The following ZNF460 variants were observed in gnomAD, a reference collection of about 807,000 sequenced individuals.
ZNF460 encodes the protein zinc finger protein 460.
A neutral mutation model predicts 8.4 loss-of-function variants in ZNF460; 1 was observed. The observed-to-expected ratio is 0.12, with a 90% CI of 0.04 to 0.56. ZNF460 has a LOEUF of 0.56. Ranked by LOEUF, ZNF460 falls within the 20% of genes least tolerant of loss-of-function variation. ZNF460 has a pLI of 0.91. For missense variants in ZNF460, 477 were observed against 714.8 expected (o/e 0.67, Z 3.79); for synonymous variants, 262 against 259.9 (o/e 1.01, Z -0.08).
At chr19:57,286,470 A>G (rs2087880091) in intron 2 of ZNF460, among the ~76,000 whole-genome samples, 2 of 152,124 alleles carry the variant, frequency 1.3e-5, no homozygotes, top group Admixed American at 1.3e-4. Context: ...TCTCTGAGAT[A>G]CAACAATAAT....
In ZNF460 at chr19:57,283,201, A is replaced by G. The variant is rs191107520; in HGVS notation, c.31-1350A>G. Among the ~76,000 whole-genome samples the G allele has an allele frequency of 2.8e-3, 420 of 149,486 alleles. 2 individuals carry two copies. Among genetic ancestry groups the G allele is most frequent in the Non-Finnish European group, 4.4e-3 (294 of 67,508 alleles). Reference sequence around the variant, plus strand: ...TTCTTTCTTTGTTTTGATGGAGTCTAGCTCTGTTGCCAGGCTGGAGTTCAG... The same window carrying G: ...TTCTTTCTTTGTTTTGATGGAGTCTGGCTCTGTTGCCAGGCTGGAGTTCAG... On this transcript the variant is annotated intron_variant, in intron 1 of 2. Transcript: ENST00000360338.
rs367812892 is a variant in ZNF460 at position 57,291,752 on chromosome 19, G to A, written c.1211G>A (p.Arg404Gln). 21 of 1,613,998 alleles carry A rather than the reference G, an allele frequency of 1.3e-5. No homozygotes were observed. Among genetic ancestry groups the A allele is most frequent in the Non-Finnish European group, 1.7e-5 (20 of 1,180,020 alleles). The part of the protein sequence containing the change: ...CKECGKAFSI[R>Q]KDLIRHFNIH... ...GAATGTGGGAAAGCCTTTAGCATTCGAAAAGACCTCATTCGACACTTCAAC... is the reference window on the plus strand; with the variant it reads ...GAATGTGGGAAAGCCTTTAGCATTCAAAAAGACCTCATTCGACACTTCAAC... The change falls in exon 3 of 3, where the codon CGA becomes CAA. Residue 404 changes from arginine to glutamine, a missense_variant. Arg to Gln is a conservative substitution (Grantham distance 43, BLOSUM62 1). Transcript: ENST00000360338. This position sits in a 1 kb window ranked among gnomAD's most constrained non-coding sequence, Gnocchi z 8.4.
intron 1 of ZNF460, among the ~76,000 whole-genome samples, chr19:57,283,061 G>A (rs914450621): frequency 3.3e-5 from 5 of 151,696 alleles, no homozygotes; most frequent in Non-Finnish European, 7.4e-5. Flanking sequence ...GTAGGACTGA[G>A]GCCCAGGTCT....
At chr19:57,283,262 G>T (rs1031385039) in intron 1 of ZNF460, among the ~76,000 whole-genome samples, 5 of 151,252 alleles carry the variant, frequency 3.3e-5, no homozygotes. Flanking sequence ...CATCGCCTCC[G>T]ACGTTCAAGC....
chr19:57,283,766 T>C (rs2087859356), intron 1 of ZNF460, among the ~76,000 whole-genome samples: 1 of 151,894 alleles, frequency 6.6e-6, no homozygotes. Flanking sequence ...CCTCCCAGAG[T>C]GCTGGGATTA....
chr19:57,290,776 C>G lies in ZNF460; in HGVS notation c.235C>G (p.Gln79Glu). 2 of 1,614,212 alleles carry G rather than the reference C, an allele frequency of 1.2e-6. No individual in the cohort carries two copies. Among genetic ancestry groups the G allele is most frequent in the African/African-American group, 2.7e-5 (2 of 75,058 alleles). ...GCCTGAGGAAGTCTCACTCCAGGAA[C>G]AGCTGGCACAGGGAGTCCCAAGATA... ...ALPEEVSLQE[Q>E]LAQGVPRYSY... Residue 79 changes from glutamine (Q) to glutamate (E), a missense_variant, in exon 3 of 3, where the codon CAG becomes GAG. Physicochemically the swap from Gln to Glu is conservative, Grantham distance 29. This residue lies in a region of ZNF460 where 169 missense variants were observed against 178.6 expected (regional missense o/e 0.95). Coordinates refer to ENST00000360338, the MANE Select transcript of ZNF460 (RefSeq NM_006635.4).
At chr19:57,288,158 C>T (rs907224862) in intron 2 of ZNF460, among the ~76,000 whole-genome samples, 7 of 152,048 alleles carry the variant, frequency 4.6e-5, no homozygotes, top group Non-Finnish European at 1.0e-4. Context: ...CACAATTTAC[C>T]GATCTCTTAT....
At chr19:57,282,988 A>G (rs995223331) in intron 1 of ZNF460, among the ~76,000 whole-genome samples, 9 of 140,444 alleles carry the variant, frequency 6.4e-5, no homozygotes, top group African/African-American at 2.1e-4. Flanking sequence ...GAGACCATCT[A>G]AAAAAAAAAA....
At position 57,290,823 on chromosome 19, in the gene ZNF460, G is replaced by T; in HGVS notation, c.282G>T (p.Met94Ile). The T allele has an allele frequency of 6.2e-7, 1 of 1,614,164 alleles. No individual in the cohort carries two copies. Among genetic ancestry groups the T allele is most frequent in the Non-Finnish European group, 8.5e-7 (1 of 1,180,034 alleles). The change falls in exon 3 of 3, where the codon ATG (methionine) becomes ATT (isoleucine). Residue 94 changes from methionine to isoleucine, a missense_variant. Met to Ile is a conservative substitution (Grantham distance 10). Coordinates refer to ENST00000360338, the MANE Select transcript of ZNF460 (RefSeq NM_006635.4). ...VPRYSYLGQAMDQDGPSEMQE... is the reference protein window; with the variant it reads ...VPRYSYLGQAIDQDGPSEMQE... ...GATACTCCTATTTGGGGCAGGCCAT[G>T]GATCAAGATGGGCCATCTGAAATGC... is the stretch of plus-strand genomic sequence containing the variant.
Position 57,291,634 on chromosome 19 carries a change from G to T in ZNF460, c.1093G>T (p.Val365Leu). The change falls in exon 3 of 3, where the codon GTG (valine) becomes TTG (leucine). Residue 365 changes from valine (V) to leucine (L), a missense_variant. Physicochemically the swap from Val to Leu is conservative, Grantham distance 32 (BLOSUM62 1). Transcript: ENST00000360338. This position sits in a 1 kb window ranked among gnomAD's most constrained non-coding sequence, Gnocchi z 8.4. ...GATTCACACTGGTGAGAAGCCCTTT[G>T]TGTGCAGTCAATGTGGAAAGGCCTT... Reference protein sequence around the residue: ...ERIHTGEKPFVCSQCGKAFTH... With the variant: ...ERIHTGEKPFLCSQCGKAFTH... 1.9e-6 allele frequency: 3 copies of T among 1,614,074 alleles called. No individual in the cohort carries two copies. The highest frequency in any genetic ancestry group is 2.5e-6 in the Non-Finnish European group (3 of 1,180,004).
rs773549812 is a variant in ZNF460, at chr19:57,291,282, T to C, written c.741T>C (p.Asn247=). Reference sequence around the variant, plus strand: ...TCACACGGCACCAGCGGACTCACAATGGAGATAAGCCCTTTGTGTGCAGTG... The same window carrying C: ...TCACACGGCACCAGCGGACTCACAACGGAGATAAGCCCTTTGTGTGCAGTG... ...SHLTRHQRTH[N]GDKPFVCSEC... The change falls in exon 3 of 3, where the codon AAT becomes AAC. Residue 247 remains asparagine, a synonymous_variant. Transcript: ENST00000360338. The surrounding 1 kb of genome is among the most constrained non-coding windows in gnomAD (Gnocchi z 8.4). The C allele has an allele frequency of 4.3e-6, 7 of 1,613,774 alleles. No homozygotes were observed. The South Asian group carries it at 5.5e-5, about 13-fold the overall frequency.
intron 2 of ZNF460, among the ~76,000 whole-genome samples, chr19:57,285,282 C>G (rs185821650): frequency 3.3e-4 from 51 of 152,290 alleles, no homozygotes; most frequent in East Asian, 7.7e-4. Flanking sequence ...GCCAGGCCCC[C>G]CTGTGGCACT....
Position 57,280,642 on chromosome 19 carries a change from G to A in ZNF460, c.-165G>A, listed in dbSNP as rs1413509919. ...TCCCACCGGCGCCCGCCGAGGCCTA[G>A]GCCTCCGCAGCCGCCCTCCGTCTCC... On this transcript the variant is annotated 5_prime_UTR_variant, in exon 1 of 3. Coordinates refer to ENST00000360338, the MANE Select transcript of ZNF460 (RefSeq NM_006635.4). The A allele has an allele frequency of 2.0e-6, 2 of 993,944 alleles. No individual in the cohort carries two copies. Among genetic ancestry groups the A allele is most frequent in the Non-Finnish European group, 2.9e-6 (2 of 689,764 alleles). The allele number at this position is 993,944 out of a possible 1,614,324, so 61.6% of individuals were successfully genotyped here.
chr19:57,292,121 CTG>C lies in ZNF460; in HGVS notation c.1581_1582del (p.Ser529Ter), dbSNP rs1408467817. 1.2e-6 allele frequency: 2 copies of C among 1,614,220 alleles called. No homozygotes were observed. The highest frequency in any genetic ancestry group is 2.2e-5 in the East Asian group (1 of 44,878). ...CTCATTCAACACTCCATCATCCACA[CTG>C]AGAGTAGCCCAGTGAGTGCAGTGAA... On this transcript the variant is annotated frameshift_variant, in exon 3 of 3. Transcript: ENST00000360338. LOFTEE classifies it low-confidence loss of function (END_TRUNC).
intron 2 of ZNF460, among the ~76,000 whole-genome samples, chr19:57,288,972 G>A (rs938744566): frequency 1.3e-5 from 2 of 150,628 alleles, no homozygotes; most frequent in Non-Finnish European, 3.0e-5. Context: ...AGCTTCCCGA[G>A]TAGCCAGGAT....
At chr19:57,285,739 A>G (rs886477165) in intron 2 of ZNF460, among the ~76,000 whole-genome samples, 11 of 152,154 alleles carry the variant, frequency 7.2e-5, no homozygotes, top group Non-Finnish European at 1.3e-4. Flanking sequence ...GGTTCATGAA[A>G]TGTCGAAGCG....
chr19:57,293,625 C>T lies in ZNF460; in HGVS notation c.*1395C>T, dbSNP rs969162155. 6 of 152,126 alleles carry T rather than the reference C, an allele frequency of 3.9e-5. No homozygotes were observed. The highest frequency in any genetic ancestry group is 1.2e-4 in the African/African-American group (5 of 41,434). 9.4% of individuals were successfully genotyped at this position (152,126 alleles called of 1,614,324 possible). On this transcript the variant is annotated 3_prime_UTR_variant, in exon 3 of 3. Coordinates refer to ENST00000360338, the MANE Select transcript of ZNF460 (RefSeq NM_006635.4). ...TTTATCATTTCTTTGTGTTTAGAAA[C>T]ATTCACAGTCTGCTTTTCTAGCTAT...
At position 57,291,608 on chromosome 19, in the gene ZNF460, G is replaced by A. The variant is rs1304099174; in HGVS notation, c.1067G>A (p.Arg356Gln). Reference protein sequence around the residue: ...NCRSHLKQHERIHTGEKPFVC... With the variant: ...NCRSHLKQHEQIHTGEKPFVC... ...AGGTCACACCTCAAGCAGCATGAGC[G>A]GATTCACACTGGTGAGAAGCCCTTT... is the stretch of plus-strand genomic sequence containing the variant. The change falls in exon 3 of 3, where the codon CGG becomes CAG. Residue 356 changes from arginine (R) to glutamine (Q), a missense_variant. Coordinates refer to ENST00000360338, the MANE Select transcript of ZNF460 (RefSeq NM_006635.4). This position sits in a 1 kb window ranked among gnomAD's most constrained non-coding sequence, Gnocchi z 8.4. 1.2e-6 allele frequency: 2 copies of A among 1,614,064 alleles called. No individual in the cohort carries two copies. The highest frequency in any genetic ancestry group is 1.7e-5 in the Admixed American group (1 of 59,996).
chr19:57,284,813 ATTTTTTTTT>A, intron 2 of ZNF460, 136 bp downstream of exon 2: 3 of 633,572 alleles, frequency 4.7e-6, no homozygotes, highest in East Asian at 4.7e-5. Flanking sequence ...GCTTTACTCT[ATTTTTTTTT>A]TTTTTTTTTT....
Sources: gnomAD v4.1 joint callset for allele counts (sites outside exome capture counted in the v4.1 genomes callset) on GRCh38, gnomAD v4.1.1 for gene constraint, gnomAD v4.1.1 regional missense constraint, Gnocchi (gnomAD v3.1) non-coding constraint, MANE v1.5 for transcripts, NCBI Gene and HGNC (gene_info 2026-07-23, HGNC 2026-07-21) for gene names.